Variants in MDGA2 observed in about 807,000 individuals in gnomAD.
MDGA2 encodes MAM domain-containing glycosylphosphatidylinositol anchor protein 2.
In MDGA2, 40 loss-of-function variants were observed where a neutral mutation model predicts 117.8. The ratio of observed to expected loss-of-function variants is 0.34; its 90% confidence interval spans 0.26 to 0.44. The LOEUF (loss-of-function observed/expected upper bound fraction) is 0.44, where lower values mean the gene tolerates loss of function less well. Ranked by LOEUF, MDGA2 falls within the 20% of genes least tolerant of loss-of-function variation. MDGA2 has a pLI of 1.00. For synonymous variants in MDGA2, 452 were observed against 439.0 expected (o/e 1.03, Z -0.37); for missense variants, 1,123 against 1,250.6 (o/e 0.90, Z 1.54).
chr14:47,168,454 T>A (rs1594687963), intron 3 of MDGA2, among the ~76,000 whole-genome samples: 1 of 152,122 alleles, frequency 6.6e-6, no homozygotes, highest in Non-Finnish European at 1.5e-5. Flanking sequence ...ACTCTTCAGA[T>A]TCTTTTAAGT....
chr14:47,013,935 A>G (rs1292875473), intron 8 of MDGA2, among the ~76,000 whole-genome samples: 1 of 150,888 alleles, frequency 6.6e-6, no homozygotes, highest in African/African-American at 2.4e-5. Context: ...ACCTGGGATT[A>G]CAGGCCTGCA....
chr14:46,945,921 A>G (rs1566539014), intron 9 of MDGA2, among the ~76,000 whole-genome samples: 2 of 152,116 alleles, frequency 1.3e-5, no homozygotes, highest in African/African-American at 2.4e-5. Flanking sequence ...ACAATATTCA[A>G]AAGATTTTAA....
chr14:47,081,714 C>A (rs1462245999), intron 6 of MDGA2, among the ~76,000 whole-genome samples: 1 of 152,096 alleles, frequency 6.6e-6, no homozygotes, highest in Non-Finnish European at 1.5e-5. Flanking sequence ...AAAGACATAT[C>A]CATTACCATA....
chr14:47,651,024 C>A lies in MDGA2; in HGVS notation c.280+23493G>T, dbSNP rs188529544. Among the ~76,000 whole-genome samples the A allele has an allele frequency of 1.9e-3, 296 of 152,080 alleles. 4 individuals carry two copies. Among genetic ancestry groups the A allele is most frequent in the African/African-American group, 6.9e-3 (285 of 41,464 alleles). On this transcript the variant is annotated intron_variant, in intron 1 of 16. Transcript: ENST00000399232. The stretch of plus-strand genomic sequence containing the variant: ...TTATTTCAATGTTTAATATTAGAAG[C>A]TTTTTGGGTCTTTATTTAGAAATTC...
intron 1 of MDGA2, among the ~76,000 whole-genome samples, chr14:47,407,263 G>A (rs1334368735): frequency 6.6e-6 from 1 of 151,896 alleles, no homozygotes; most frequent in African/African-American, 2.4e-5. Context: ...TACTTCCACT[G>A]GTGGTATATG....
At chr14:46,934,270 G>A (rs75825485) in intron 9 of MDGA2, among the ~76,000 whole-genome samples, 2,118 of 152,110 alleles carry the variant, frequency 0.014, 23 homozygotes, top group Non-Finnish European at 0.022. Flanking sequence ...TTATGGTCCT[G>A]CACTGCTGTT....
Position 47,102,391 on chromosome 14 carries a change from ACAAACAC to A in MDGA2, c.926-5275_926-5269del, listed in dbSNP as rs1566625111. 5.8e-4 allele frequency among the ~76,000 whole-genome samples: 85 copies of A among 145,644 alleles called. No homozygotes were observed. In the East Asian group the frequency reaches 8.9e-3, roughly 15 times the overall value. On this transcript the variant is annotated intron_variant, in intron 5 of 16. Transcript: ENST00000399232. ...AACACACACACACACACACACACAC[ACAAACAC>A]ACACACACACACACAAACTAACTAA...
intron 8 of MDGA2, among the ~76,000 whole-genome samples, chr14:46,993,802 T>G (rs1485619794): frequency 6.6e-6 from 1 of 152,150 alleles, no homozygotes; most frequent in Non-Finnish European, 1.5e-5. Context: ...CTGGCTATCT[T>G]TTTATTTAAT....
intron 3 of MDGA2, among the ~76,000 whole-genome samples, chr14:47,203,281 G>T (rs1217593878): frequency 6.6e-6 from 1 of 151,928 alleles, no homozygotes; most frequent in Admixed American, 6.6e-5. Context: ...AGGAGGGAGG[G>T]CCTATCGGGG....
intron 3 of MDGA2, among the ~76,000 whole-genome samples, chr14:47,154,911 A>C (rs558822821): frequency 2.0e-5 from 3 of 152,272 alleles, no homozygotes; most frequent in African/African-American, 7.2e-5. Context: ...CCCCTACCAA[A>C]GTGAGAACTT....
intron 1 of MDGA2, among the ~76,000 whole-genome samples, chr14:47,655,606 CT>C (rs1454625754): frequency 2.6e-5 from 4 of 152,172 alleles, no homozygotes; most frequent in Non-Finnish European, 2.9e-5. Flanking sequence ...GAAAGACAAT[CT>C]TTCCAAAGAG....
chr14:47,470,560 G>A (rs932652511), intron 1 of MDGA2, among the ~76,000 whole-genome samples: 1 of 152,210 alleles, frequency 6.6e-6, no homozygotes, highest in South Asian at 2.1e-4. Flanking sequence ...ATTGTGAATA[G>A]TGCCACAATA....
chr14:47,024,601 T>C (rs1594538892), intron 8 of MDGA2, among the ~76,000 whole-genome samples: 1 of 152,162 alleles, frequency 6.6e-6, no homozygotes, highest in South Asian at 2.1e-4. Flanking sequence ...ATAATCTTTT[T>C]CTAGAAAAAC....
At chr14:47,281,893 C>T (rs1462542476) in intron 2 of MDGA2, among the ~76,000 whole-genome samples, 1 of 151,846 alleles carries the variant, frequency 6.6e-6, no homozygotes, top group African/African-American at 2.4e-5. Context: ...TCCATCTCTA[C>T]TAAAAATACA....
chr14:47,035,554 A>C (rs185152560), intron 7 of MDGA2, among the ~76,000 whole-genome samples: 1 of 152,344 alleles, frequency 6.6e-6, no homozygotes, highest in East Asian at 1.9e-4. Flanking sequence ...AAAATGGTTA[A>C]TATAAGAATA....
chr14:47,299,669 G>A (rs1889208956), intron 2 of MDGA2: 1 of 152,008 alleles, frequency 6.6e-6, no homozygotes, highest in Admixed American at 6.6e-5. Context: ...ATTGTTTTCT[G>A]TATAAATTTT....
At chr14:47,641,006 T>C (rs533399666) in intron 1 of MDGA2, among the ~76,000 whole-genome samples, 6 of 152,190 alleles carry the variant, frequency 3.9e-5, no homozygotes, top group Admixed American at 2.0e-4. Context: ...TTACCTTTTT[T>C]TTTTGTTTTC....
intron 1 of MDGA2, among the ~76,000 whole-genome samples, chr14:47,514,671 A>G (rs556721493): frequency 6.6e-6 from 1 of 152,256 alleles, no homozygotes; most frequent in Non-Finnish European, 1.5e-5. Context: ...TGTCCTTTAT[A>G]CTTGAAAGAT....
intron 1 of MDGA2, among the ~76,000 whole-genome samples, chr14:47,582,232 G>A (rs1896241982): frequency 6.6e-6 from 1 of 151,820 alleles, no homozygotes; most frequent in South Asian, 2.1e-4. Flanking sequence ...ACATAAAAGA[G>A]GGAGGAAGAA....
Sources: gnomAD v4.1 joint callset for allele counts (sites outside exome capture counted in the v4.1 genomes callset) on GRCh38, gnomAD v4.1.1 for gene constraint, MANE v1.5 for transcripts, NCBI Gene and HGNC (gene_info 2026-07-23, HGNC 2026-07-21) for gene names.